Variants in ZNF827 observed in about 807,000 individuals in gnomAD.
The protein encoded by ZNF827 is zinc finger protein 827.
A neutral mutation model predicts 102.4 loss-of-function variants in ZNF827; 13 were observed. That is an observed-to-expected ratio of 0.13 (90% confidence interval 0.08 to 0.20). The LOEUF is 0.20. Among genes scored for constraint, ZNF827 ranks in the 10% least tolerant of loss-of-function variants. The pLI is 1.00. For synonymous variants in ZNF827, 523 were observed against 536.2 expected, an observed-to-expected ratio of 0.98 and a Z score of 0.34; for missense variants, 1,103 against 1,344.4, an observed-to-expected ratio of 0.82 and a Z score of 2.81.
At chr4:145,908,727 A>T (rs1232265957) in intron 1 of ZNF827, among the ~76,000 whole-genome samples, 1 of 152,194 alleles carries the variant, frequency 6.6e-6, no homozygotes, top group Non-Finnish European at 1.5e-5. Flanking sequence ...TGTTCAGGGA[A>T]CTGTTCCCTG....
intron 4 of ZNF827, chr4:145,870,824 A>T (rs1748619695): frequency 5.3e-6 from 1 of 189,394 alleles, no homozygotes; most frequent in African/African-American, 2.3e-5. Flanking sequence ...ACCTAATCCT[A>T]TTATGAAATA....
chr4:145,799,226 C>G (rs1446531388), intron 8 of ZNF827, among the ~76,000 whole-genome samples: 1 of 152,168 alleles, frequency 6.6e-6, no homozygotes, highest in African/African-American at 2.4e-5. Flanking sequence ...CATTTGTGTG[C>G]TGAATAAGTT....
At chr4:145,892,166 G>T (rs1486724729) in intron 3 of ZNF827, 77 bp downstream of exon 3, 3 of 1,416,058 alleles carry the variant, frequency 2.1e-6, no homozygotes, top group Non-Finnish European at 2.8e-6. Context: ...CGGCCAAGAA[G>T]CCTCCTGCAC....
At chr4:145,799,394 G>A (rs1451255245) in intron 8 of ZNF827, among the ~76,000 whole-genome samples, 1 of 152,036 alleles carries the variant, frequency 6.6e-6, no homozygotes, top group Non-Finnish European at 1.5e-5. Context: ...GGTATTACTG[G>A]CAATTTACAA....
intron 11 of ZNF827, among the ~76,000 whole-genome samples, chr4:145,771,346 A>C (rs1253602358): frequency 1.3e-5 from 2 of 152,186 alleles, no homozygotes; most frequent in Non-Finnish European, 2.9e-5. Context: ...AGCTTGATAA[A>C]TATTCTATTT....
At chr4:145,842,211 C>T (rs62345828) in intron 7 of ZNF827, among the ~76,000 whole-genome samples, 6,945 of 152,178 alleles carry the variant, frequency 0.046, 201 homozygotes, top group Non-Finnish European at 0.052. Flanking sequence ...AAAAAATTGC[C>T]AGCAAAGAAT....
chr4:145,835,157 C>CTAG lies in ZNF827; in HGVS notation c.2279+10798_2279+10799insCTA, dbSNP rs1466690209. On this transcript the variant is annotated intron_variant, in intron 7 of 14. Transcript: ENST00000508784. ...GCAGCCACTCCCAGAGCCCCTGGAACTCTAGCCCAAGGCTCTCTGACTGAC... is the reference window on the plus strand; with the variant it reads ...GCAGCCACTCCCAGAGCCCCTGGAACTAGTCTAGCCCAAGGCTCTCTGACTGAC... 2.0e-5 allele frequency: 3 copies of CTAG among 152,444 alleles called. No individual in the cohort carries two copies. In the East Asian group the frequency reaches 5.8e-4, roughly 29 times the overall value. 9.4% of individuals were successfully genotyped at this position (152,444 alleles called of 1,614,324 possible). A position where few individuals can be genotyped will look rare whatever the true frequency, so the allele number is the denominator to read the frequency against.
chr4:145,874,773 G>A (rs1749010027), intron 4 of ZNF827, among the ~76,000 whole-genome samples: 1 of 152,146 alleles, frequency 6.6e-6, no homozygotes, highest in Admixed American at 6.5e-5. Context: ...TTATTTATTT[G>A]AAAGTTTCTG....
At chr4:145,904,186 C>A (rs1437541428) in intron 1 of ZNF827, among the ~76,000 whole-genome samples, 2 of 152,184 alleles carry the variant, frequency 1.3e-5, no homozygotes, top group Non-Finnish European at 2.9e-5. Context: ...AATGTCTTTC[C>A]CCAGAAAAGC....
At chr4:145,898,032 G>A (rs1170404314) in intron 2 of ZNF827, among the ~76,000 whole-genome samples, 4 of 152,156 alleles carry the variant, frequency 2.6e-5, no homozygotes, top group Admixed American at 2.0e-4. Context: ...GTGCATGCCT[G>A]TAGTCCCAGC....
At position 145,774,674 on chromosome 4, in the gene ZNF827, TA is replaced by T. The variant is rs764298981; in HGVS notation, c.2694-3del. On this transcript the variant is annotated splice_region_variant and splice_polypyrimidine_tract_variant and intron_variant, in intron 10 of 14. Transcript: ENST00000508784. Reference sequence around the variant, plus strand: ...GTCTCAAATCCACACACGTGACAACTACATGAAAGGGTAAAAGAAAAGAGGG... The same window carrying T: ...GTCTCAAATCCACACACGTGACAACTCATGAAAGGGTAAAAGAAAAGAGGG... 1.2e-6 allele frequency: 2 copies of T among 1,612,794 alleles called. No individual in the cohort carries two copies. Among genetic ancestry groups the T allele is most frequent in the Non-Finnish European group, 1.7e-6 (2 of 1,179,312 alleles).
At chr4:145,863,915 C>G (rs1257875879) in intron 5 of ZNF827, among the ~76,000 whole-genome samples, 1 of 152,080 alleles carries the variant, frequency 6.6e-6, no homozygotes, top group Non-Finnish European at 1.5e-5. Flanking sequence ...AAAGATGGGC[C>G]AGGCGCAGTG....
At chr4:145,888,802 A>G (rs1750350528) in intron 3 of ZNF827, among the ~76,000 whole-genome samples, 1 of 152,202 alleles carries the variant, frequency 6.6e-6, no homozygotes, top group Non-Finnish European at 1.5e-5. Context: ...TATCCAGGAA[A>G]ATTTTAAAGG....
chr4:145,875,764 G>T (rs556799893), intron 4 of ZNF827, among the ~76,000 whole-genome samples: 2 of 152,014 alleles, frequency 1.3e-5, no homozygotes, highest in African/African-American at 4.8e-5. Flanking sequence ...TTTTATTTAC[G>T]ATCTCACCCT....
At chr4:145,781,219 A>C (rs1737993988) in intron 8 of ZNF827, among the ~76,000 whole-genome samples, 1 of 119,432 alleles carries the variant, frequency 8.4e-6, no homozygotes, top group Non-Finnish European at 1.7e-5. Context: ...AAAAAAAAAG[A>C]AAAAAAAAGA....
At chr4:145,842,429 C>T (rs543638830) in intron 7 of ZNF827, among the ~76,000 whole-genome samples, 1 of 152,252 alleles carries the variant, frequency 6.6e-6, no homozygotes, top group Admixed American at 6.5e-5. Flanking sequence ...ATCAGCACTC[C>T]CATGACTCAC....
intron 1 of ZNF827, among the ~76,000 whole-genome samples, chr4:145,931,420 G>A (rs1382441603): frequency 1.3e-5 from 2 of 152,124 alleles, no homozygotes; most frequent in African/African-American, 2.4e-5. Context: ...TATGAAATCT[G>A]ATGAAAAAAA....
At chr4:145,910,188 G>A (rs1752178570) in intron 1 of ZNF827, among the ~76,000 whole-genome samples, 1 of 152,136 alleles carries the variant, frequency 6.6e-6, no homozygotes, top group African/African-American at 2.4e-5. Flanking sequence ...TTGGCACACA[G>A]CAACATTTTC....
intron 7 of ZNF827, chr4:145,831,010 T>C (rs887266463): frequency 4.6e-5 from 7 of 152,228 alleles, no homozygotes; most frequent in African/African-American, 1.7e-4. Flanking sequence ...TTGCAGTCAA[T>C]TGAAAAGGTA....
Sources: allele counts gnomAD v4.1 joint callset (sites outside exome capture counted in the v4.1 genomes callset), GRCh38; gene constraint gnomAD v4.1.1; transcripts MANE v1.5; gene names NCBI Gene and HGNC (gene_info 2026-07-23, HGNC 2026-07-21).